ENPP3: variants seen among roughly 807,000 people sequenced by gnomAD.
ENPP3 encodes ectonucleotide pyrophosphatase/phosphodiesterase family member 3.
In ENPP3, 104 loss-of-function variants were observed where a neutral mutation model predicts 117.8. That is an observed-to-expected ratio of 0.88 (90% CI 0.75 to 1.04). ENPP3 has a LOEUF of 1.04. Among genes scored for constraint, ENPP3 ranks in the 50% least tolerant of loss-of-function variants. The probability of loss-of-function intolerance (pLI) is 0.00; values close to 1 mark genes in which losing one functional copy is unlikely to be tolerated. For missense variants in ENPP3, 1,026 were observed against 1,051.9 expected, an observed-to-expected ratio of 0.98 and a Z score of 0.34; for synonymous variants, 380 against 349.9, an observed-to-expected ratio of 1.09 and a Z score of -0.96.
chr6:131,668,329 C>G (rs79447202), intron 6 of ENPP3, among the ~76,000 whole-genome samples: 4 of 144,946 alleles, frequency 2.8e-5, no homozygotes, highest in Non-Finnish European at 6.0e-5. Context: ...TCTCCTGTCT[C>G]GCCCCCCCCT....
chr6:131,692,805 A>G (rs1176310546), intron 14 of ENPP3, among the ~76,000 whole-genome samples: 2 of 142,598 alleles, frequency 1.4e-5, no homozygotes, highest in Non-Finnish European at 3.0e-5. Context: ...GTAGTTATAT[A>G]TGATATATGA....
At chr6:131,682,969 G>A (rs948894229) in intron 11 of ENPP3, 85 bp from the exon 12 acceptor site, 124 of 822,500 alleles carry the variant, frequency 1.5e-4, no homozygotes, top group Admixed American at 3.8e-5. Flanking sequence ...AGATGGAGAT[G>A]TGTTTAATTT....
chr6:131,671,599 T>C (rs2114375848), intron 7 of ENPP3, among the ~76,000 whole-genome samples: 1 of 152,334 alleles, frequency 6.6e-6, no homozygotes, highest in South Asian at 2.1e-4. Context: ...AATACCATTT[T>C]CCTCTGATCT....
chr6:131,726,918 G>T (rs183442840), intron 20 of ENPP3, among the ~76,000 whole-genome samples: 1 of 152,126 alleles, frequency 6.6e-6, no homozygotes, highest in Non-Finnish European at 1.5e-5. Flanking sequence ...AATAGGAACC[G>T]CAAGTCCATA....
At chr6:131,729,445 A>G (rs3800199) in intron 20 of ENPP3, among the ~76,000 whole-genome samples, 10,342 of 152,304 alleles carry the variant, frequency 0.068, 825 homozygotes, top group East Asian at 0.33. Flanking sequence ...TTTCAATGCC[A>G]GACTAAAAGT....
At chr6:131,732,577 T>C (rs915535229) in intron 20 of ENPP3, among the ~76,000 whole-genome samples, 1 of 151,642 alleles carries the variant, frequency 6.6e-6, no homozygotes, top group Non-Finnish European at 1.5e-5. Context: ...CACACCTGGC[T>C]GATTTTTGTA....
At chr6:131,740,123 T>C in intron 23 of ENPP3, 101 bp from the exon 24 acceptor site, 1 of 813,894 alleles carries the variant, frequency 1.2e-6, no homozygotes. Flanking sequence ...ATAAGAATTA[T>C]TATTTTACAT....
chr6:131,684,456 G>C (rs1449358009), intron 12 of ENPP3, among the ~76,000 whole-genome samples: 1 of 152,106 alleles, frequency 6.6e-6, no homozygotes, highest in Non-Finnish European at 1.5e-5. Context: ...GAGGTGGGTG[G>C]ATCACCTGAG....
intron 24 of ENPP3, among the ~76,000 whole-genome samples, chr6:131,745,218 ACTT>A (rs1052022857): frequency 4.6e-5 from 7 of 152,028 alleles, no homozygotes; most frequent in Non-Finnish European, 7.4e-5. Context: ...GAAGAGAAAA[ACTT>A]CTAATTAGAT....
chr6:131,732,401 A>G (rs767225881), intron 20 of ENPP3, among the ~76,000 whole-genome samples: 117 of 152,234 alleles, frequency 7.7e-4, no homozygotes, highest in Non-Finnish European at 1.4e-3. Flanking sequence ...GTCTTTAAAT[A>G]GGGCTACAAA....
In ENPP3 at chr6:131,746,952, T is replaced by C. The variant is rs748073328; in HGVS notation, c.2624T>C (p.Ile875Thr). The C allele has an allele frequency of 6.4e-6, 10 of 1,573,080 alleles. No individual in the cohort carries two copies. Among genetic ancestry groups the C allele is most frequent in the African/African-American group, 1.4e-5 (1 of 73,926 alleles). The change falls in exon 25 of 25, where the codon ATT (isoleucine) becomes ACT (threonine). Residue 875 changes from isoleucine (I) to threonine (T), a missense_variant. By Grantham distance (89) the Ile-to-Thr change is moderately conservative. Coordinates refer to ENST00000357639, the MANE Select transcript of ENPP3 (RefSeq NM_005021.5). Reference sequence around the variant, plus strand: ...TATTTACCAACATTTGAAACCACTATTTAACTTAATAATGTCTACTTAATA... The same window carrying C: ...TATTTACCAACATTTGAAACCACTACTTAACTTAATAATGTCTACTTAATA... Reference protein sequence around the residue: ...KTYLPTFETTI With the variant: ...KTYLPTFETTT
Position 131,658,379 on chromosome 6 carries a change from T to C in ENPP3, c.521T>C (p.Leu174Ser). 2 of 1,605,522 alleles carry C rather than the reference T, an allele frequency of 1.2e-6. No homozygotes were observed. Among genetic ancestry groups the C allele is most frequent in the Non-Finnish European group, 1.7e-6 (2 of 1,172,336 alleles). Residue 174 changes from leucine (L) to serine (S), a missense_variant, in exon 6 of 25, where the codon TTA becomes TCA. By Grantham distance (145) the Leu-to-Ser change is moderately radical. Coordinates refer to ENST00000357639, the MANE Select transcript of ENPP3 (RefSeq NM_005021.5). ...FSMDGFRAEY[L>S]YTWDTLMPNI... Reference sequence around the variant, plus strand: ...ATGGATGGATTTAGAGCTGAATATTTATACACATGGGATACTTTAATGCCA... The same window carrying C: ...ATGGATGGATTTAGAGCTGAATATTCATACACATGGGATACTTTAATGCCA...
intron 5 of ENPP3, among the ~76,000 whole-genome samples, chr6:131,653,578 T>C (rs1025857581): frequency 6.6e-6 from 1 of 152,148 alleles, no homozygotes; most frequent in African/African-American, 2.4e-5. Context: ...ATAACTTAAT[T>C]CCTGTCTTCT....
At chr6:131,648,453 C>T (rs1247889498) in intron 2 of ENPP3, among the ~76,000 whole-genome samples, 2 of 151,906 alleles carry the variant, frequency 1.3e-5, no homozygotes, top group Non-Finnish European at 2.9e-5. Context: ...CCAGTTGTCC[C>T]ATTACTATGT....
At chr6:131,639,396 C>G (rs922369059) in intron 1 of ENPP3, among the ~76,000 whole-genome samples, 1 of 151,376 alleles carries the variant, frequency 6.6e-6, no homozygotes, top group East Asian at 1.9e-4. Context: ...ATGATCTTCC[C>G]ATCTCAGCCT....
At chr6:131,729,431 T>C (rs1780227194) in intron 20 of ENPP3, among the ~76,000 whole-genome samples, 1 of 152,232 alleles carries the variant, frequency 6.6e-6, no homozygotes, top group Non-Finnish European at 1.5e-5. Flanking sequence ...CAGGTTCTAC[T>C]TTGTTTCAAT....
intron 7 of ENPP3, among the ~76,000 whole-genome samples, chr6:131,671,827 A>G (rs1200076046): frequency 6.6e-6 from 1 of 152,242 alleles, no homozygotes; most frequent in Non-Finnish European, 1.5e-5. Flanking sequence ...GAATGTGTGA[A>G]AAGTGTATAA....
chr6:131,708,909 A>T lies in ENPP3; in HGVS notation c.1413-9763A>T, dbSNP rs202060709. ...CCCTTGTATCCACTGGAAACAATGG[A>T]CCGCTGATTGGAGCAAGAGGTGGAG... On this transcript the variant is annotated intron_variant, in intron 15 of 24. Transcript: ENST00000357639. 5,012 of 1,605,102 alleles carry T rather than the reference A, an allele frequency of 3.1e-3. 50 individuals are homozygous for T. Among genetic ancestry groups the T allele is most frequent in the Non-Finnish European group, 3.7e-3 (4,364 of 1,177,628 alleles).
At chr6:131,742,433 GC>G (rs1195083739) in intron 24 of ENPP3, among the ~76,000 whole-genome samples, 5 of 152,012 alleles carry the variant, frequency 3.3e-5, no homozygotes, top group African/African-American at 1.2e-4. Flanking sequence ...CCTGGTCTGG[GC>G]CCTTTTGACC....
Sources: gnomAD v4.1 joint callset for allele counts (sites outside exome capture counted in the v4.1 genomes callset) on GRCh38, gnomAD v4.1.1 for gene constraint, MANE v1.5 for transcripts, NCBI Gene and HGNC (gene_info 2026-07-23, HGNC 2026-07-21) for gene names.